The following NMUR1 variants were observed in gnomAD, a reference collection of about 807,000 sequenced individuals.
NMUR1 encodes neuromedin U receptor 1.
In NMUR1, 16 loss-of-function variants were observed where a neutral mutation model predicts 18.8. The ratio of observed to expected loss-of-function variants is 0.85; its 90% CI spans 0.58 to 1.29. The LOEUF (loss-of-function observed/expected upper bound fraction) is 1.29, where lower values mean the gene tolerates loss of function less well. Ranked by LOEUF, NMUR1 falls within the 50% of genes most tolerant of loss-of-function variation. The pLI, the probability that NMUR1 is intolerant of heterozygous loss-of-function variation, is 0.00. For synonymous variants in NMUR1, 258 were observed against 258.2 expected, an observed-to-expected ratio of 1.00 and a Z score of 0.01; for missense variants, 529 against 580.3, an observed-to-expected ratio of 0.91 and a Z score of 0.91.
At position 231,525,195 on chromosome 2, in the gene NMUR1, A is replaced by C; in HGVS notation, c.1129T>G (p.Cys377Gly). 1 of 1,614,094 alleles carries C rather than the reference A, an allele frequency of 6.2e-7. No homozygotes were observed. Among genetic ancestry groups the C allele is most frequent in the Non-Finnish European group, 8.5e-7 (1 of 1,179,998 alleles). ...FQEALCLGAC[C>G]HRLRPRHSSH... is the part of the protein sequence containing the mutation. ...CTGTGGCGGGGTCTGAGGCGATGGC[A>C]GCAGGCCCCGAGGCACAGGGCCTCC... The change falls in exon 3 of 3, where the codon TGC becomes GGC. Residue 377 changes from cysteine to glycine, a missense_variant. Cys to Gly is a radical substitution (Grantham distance 159). Coordinates refer to ENST00000305141, the MANE Select transcript of NMUR1 (RefSeq NM_006056.5).
Position 231,530,394 on chromosome 2 carries a change from C to G in NMUR1, c.-33G>C. 4 of 1,481,398 alleles carry G rather than the reference C, an allele frequency of 2.7e-6. No homozygotes were observed. Among genetic ancestry groups the G allele is most frequent in the Non-Finnish European group, 3.6e-6 (4 of 1,123,220 alleles). 91.8% of individuals were successfully genotyped at this position (1,481,398 alleles called of 1,614,324 possible). A position where few individuals can be genotyped will look rare whatever the true frequency, so the allele number is the denominator to read the frequency against. ...GCGGCCCGCGAGACCCCGGCTTCCA[C>G]CCTCCGAGCGACGGACACAGACGCG... On this transcript the variant is annotated 5_prime_UTR_variant, in exon 1 of 3. Transcript: ENST00000305141.
chr2:231,529,114 G>T (rs2047390943), intron 1 of NMUR1, 97 bp from the exon 2 acceptor site: 3 of 1,209,280 alleles, frequency 2.5e-6, no homozygotes, highest in Admixed American at 2.8e-5. Flanking sequence ...GCGCTATGAT[G>T]ACCATTATTT....
At position 231,528,482 on chromosome 2, in the gene NMUR1, C is replaced by T. The variant is rs533098326; in HGVS notation, c.539G>A (p.Arg180Gln). Residue 180 changes from arginine to glutamine, a missense_variant, in exon 2 of 3, where the codon CGA (arginine) becomes CAA (glutamine). Physicochemically the swap from Arg to Gln is conservative, Grantham distance 43. Coordinates refer to ENST00000305141, the MANE Select transcript of NMUR1 (RefSeq NM_006056.5). ...RSMVTRAHVRRVLGAVWGLAM... is the reference protein window; with the variant it reads ...RSMVTRAHVRQVLGAVWGLAM... ...AAGACCCCAGACGGCCCCAAGCACT[C>T]GGCGCACATGGGCCCGCGTCACCAT... is the stretch of plus-strand genomic sequence containing the variant. 5.6e-6 allele frequency: 9 copies of T among 1,613,666 alleles called. No homozygotes were observed. Among genetic ancestry groups the T allele is most frequent in the African/African-American group, 2.7e-5 (2 of 75,080 alleles).
Position 231,529,012 on chromosome 2 carries a change from A to G in NMUR1, c.9T>C (p.Pro3=). The G allele has an allele frequency of 6.2e-7, 1 of 1,603,110 alleles. No individual in the cohort carries two copies. The highest frequency in any genetic ancestry group is 1.3e-5 in the African/African-American group (1 of 74,914). MT[P]LCLNCSVLPG... ...GGAGGACAGAGCAATTGAGGCAGAG[A>G]GGAGTCTGTGGAACAGAGGGGAGAG... Residue 3 remains proline, a synonymous_variant, in exon 2 of 3, where the codon CCT becomes CCC. Coordinates refer to ENST00000305141, the MANE Select transcript of NMUR1 (RefSeq NM_006056.5).
Position 231,525,203 on chromosome 2 carries a change from C to A in NMUR1, c.1121G>T (p.Gly374Val). 2 of 1,614,082 alleles carry A rather than the reference C, an allele frequency of 1.2e-6. No individual in the cohort carries two copies. Among genetic ancestry groups the A allele is most frequent in the Non-Finnish European group, 1.7e-6 (2 of 1,180,014 alleles). The change falls in exon 3 of 3, where the codon GGG (glycine) becomes GTG (valine). Residue 374 changes from glycine (G) to valine (V), a missense_variant. Coordinates refer to ENST00000305141, the MANE Select transcript of NMUR1 (RefSeq NM_006056.5). ...RETFQEALCL[G>V]ACCHRLRPRH... ...GGGTCTGAGGCGATGGCAGCAGGCC[C>A]CGAGGCACAGGGCCTCCTGGAAGGT...
Position 231,523,383 on chromosome 2 carries a change from ACT to A in NMUR1, c.*1658_*1659del, listed in dbSNP as rs770733562. 18 of 341,078 alleles carry A rather than the reference ACT, an allele frequency of 5.3e-5. No homozygotes were observed. Among genetic ancestry groups the A allele is most frequent in the African/African-American group, 2.9e-4 (14 of 47,664 alleles). The allele number at this position is 341,078 out of a possible 1,614,324, so 21.1% of individuals were successfully genotyped here. ...AACTTTTTCATTTTGCAAAACTGAA[ACT>A]CTTCACCCATTAAAGAACTCCTCAC... is the stretch of plus-strand genomic sequence containing the variant. On this transcript the variant is annotated 3_prime_UTR_variant, in exon 3 of 3. Coordinates refer to ENST00000305141, the MANE Select transcript of NMUR1 (RefSeq NM_006056.5).
downstream of NMUR1, among the ~76,000 whole-genome samples, chr2:231,522,883 G>A (rs1028844079): frequency 2.0e-5 from 3 of 152,172 alleles, no homozygotes; most frequent in Non-Finnish European, 2.9e-5. Flanking sequence ...TGTCCACTGG[G>A]CAGGACTGAC....
intron 2 of NMUR1, among the ~76,000 whole-genome samples, chr2:231,527,788 G>C (rs983489435): frequency 3.3e-5 from 5 of 152,182 alleles, no homozygotes; most frequent in African/African-American, 1.2e-4. Context: ...CAGGGTCCTG[G>C]GCTTGGTTTA....
rs750276950 is a variant in NMUR1, at chr2:231,528,745, G to A, written c.276C>T (p.Arg92=). The A allele has an allele frequency of 6.2e-7, 1 of 1,614,112 alleles. No homozygotes were observed. The highest frequency in any genetic ancestry group is 8.5e-7 in the Non-Finnish European group (1 of 1,180,050). ...TGAAGAGGTAGTAGTTGGTAGGCGTGCGCATGGCCTTGTGGCGCAGGATGA... is the reference window on the plus strand; with the variant it reads ...TGAAGAGGTAGTAGTTGGTAGGCGTACGCATGGCCTTGTGGCGCAGGATGA... ...CLVILRHKAM[R]TPTNYYLFSL... is the part of the protein sequence containing the mutation. Residue 92 remains arginine (R), a synonymous_variant, in exon 2 of 3, where the codon CGC becomes CGT. Coordinates refer to ENST00000305141, the MANE Select transcript of NMUR1 (RefSeq NM_006056.5).
chr2:231,527,804 C>G (rs571148183), intron 2 of NMUR1, among the ~76,000 whole-genome samples: 1 of 152,232 alleles, frequency 6.6e-6, no homozygotes, highest in Non-Finnish European at 1.5e-5. Context: ...GTTTAATGCT[C>G]TGTTGTTGCT....
chr2:231,521,973 C>CTCTCTTTTTTT (rs71396675), downstream of NMUR1, among the ~76,000 whole-genome samples: 10 of 83,826 alleles, frequency 1.2e-4, no homozygotes, highest in East Asian at 3.2e-4. Context: ...TTTTTTTTCT[C>CTCTCTTTTTTT]TTTTTTTTTT....
chr2:231,530,263 A>T, intron 1 of NMUR1, 96 bp downstream of exon 1: 1 of 1,378,112 alleles, frequency 7.3e-7, no homozygotes, highest in East Asian at 3.0e-5. Context: ...ACCCCGACGG[A>T]GCCCTCGGAC....
At position 231,527,100 on chromosome 2, in the gene NMUR1, TC is replaced by T. The variant is rs575894714; in HGVS notation, c.898+1022del. Among the ~76,000 whole-genome samples the T allele has an allele frequency of 3.0e-3, 461 of 152,086 alleles. 1 individual carries two copies. The highest frequency in any genetic ancestry group is 0.011 in the African/African-American group (440 of 41,496). ...GCACCTGGCCTCTCCAACACCCTCC[TC>T]CCCTTCTCTGGGGGACTTTGCTCCC... On this transcript the variant is annotated intron_variant, in intron 2 of 2. Coordinates refer to ENST00000305141, the MANE Select transcript of NMUR1 (RefSeq NM_006056.5).
At chr2:231,529,077 T>G in intron 1 of NMUR1, 60 bp from the exon 2 acceptor site, 1 of 1,487,076 alleles carries the variant, frequency 6.7e-7, no homozygotes, top group Admixed American at 2.1e-5. Context: ...GGCTCTGTCC[T>G]CACTCATCAA....
Position 231,525,371 on chromosome 2 carries a change from A to T in NMUR1, c.953T>A (p.Val318Asp). Residue 318 changes from valine to aspartate, a missense_variant, in exon 3 of 3, where the codon GTC (valine) becomes GAC (aspartate). By Grantham distance (152) the Val-to-Asp change is radical (BLOSUM62 -3). Transcript: ENST00000305141. ...CCACTGTGACACGACGCTCCACATG[A>T]CGCGGTCGGCGTGGAACGGGGCCCA... ...ICWAPFHADRVMWSVVSQWTD... is the reference protein window; with the variant it reads ...ICWAPFHADRDMWSVVSQWTD... 1 of 1,613,970 alleles carries T rather than the reference A, an allele frequency of 6.2e-7. No individual in the cohort carries two copies. Among genetic ancestry groups the T allele is most frequent in the Non-Finnish European group, 8.5e-7 (1 of 1,179,998 alleles).
At chr2:231,527,999 C>CACACACAG (rs1553537424) in intron 2 of NMUR1, 124 bp downstream of exon 2, 17 of 959,704 alleles carry the variant, frequency 1.8e-5, no homozygotes, top group Non-Finnish European at 2.6e-5. Flanking sequence ...CACACACACA[C>CACACACAG]GAGACTAGAG....
At chr2:231,522,949 A>C (rs1366437185), downstream of NMUR1, among the ~76,000 whole-genome samples, 4 of 152,124 alleles carry the variant, frequency 2.6e-5, no homozygotes, top group Admixed American at 1.3e-4. Context: ...GGGGGCATCC[A>C]GGCCTTCCTG....
In NMUR1 at chr2:231,528,428, C is replaced by G; in HGVS notation, c.593G>C (p.Ser198Thr). The G allele has an allele frequency of 1.2e-6, 2 of 1,613,736 alleles. No homozygotes were observed. The highest frequency in any genetic ancestry group is 8.5e-7 in the Non-Finnish European group (1 of 1,179,994). ...GTGCAGCTGCCGGATGCCGTGCAGG[C>G]TGGTGTTGGGCAGGGAGCAGAGCAT... ...LAMLCSLPNT[S>T]LHGIRQLHVP... Residue 198 changes from serine (S) to threonine (T), a missense_variant, in exon 2 of 3, where the codon AGC becomes ACC. Ser to Thr is a moderately conservative substitution (Grantham distance 58). Coordinates refer to ENST00000305141, the MANE Select transcript of NMUR1 (RefSeq NM_006056.5).
intron 2 of NMUR1, among the ~76,000 whole-genome samples, chr2:231,526,494 T>C (rs2047357548): frequency 6.6e-6 from 1 of 152,090 alleles, no homozygotes; most frequent in South Asian, 2.1e-4. Context: ...TGCCCACCCA[T>C]GTTTTCAGGG....
Sources: allele counts gnomAD v4.1 joint callset (sites outside exome capture counted in the v4.1 genomes callset), GRCh38; gene constraint gnomAD v4.1.1; transcripts MANE v1.5; gene names NCBI Gene and HGNC (gene_info 2026-07-23, HGNC 2026-07-21).